The following SEMA6D variants were observed in gnomAD, a reference collection of about 807,000 sequenced individuals.
The protein encoded by SEMA6D is semaphorin-6D.
A neutral mutation model predicts 106.6 loss-of-function variants in SEMA6D; 35 were observed. The observed-to-expected ratio is 0.33, with a 90% CI of 0.25 to 0.44. SEMA6D has a LOEUF of 0.44. Among genes scored for constraint, SEMA6D ranks in the 20% least tolerant of loss-of-function variants. The pLI is 1.00. For synonymous variants in SEMA6D, 499 were observed against 487.7 expected, an observed-to-expected ratio of 1.02 and a Z score of -0.31; for missense variants, 1,185 against 1,345.9, an observed-to-expected ratio of 0.88 and a Z score of 1.87.
chr15:47,524,581 A>G (rs534326050), intron 3 of SEMA6D, among the ~76,000 whole-genome samples: 1 of 152,326 alleles, frequency 6.6e-6, no homozygotes, highest in South Asian at 2.1e-4. Flanking sequence ...GTTTATGCCT[A>G]ATTATAAATG....
At chr15:47,729,367 T>C (rs972388824) in intron 1 of SEMA6D, among the ~76,000 whole-genome samples, 1 of 151,742 alleles carries the variant, frequency 6.6e-6, no homozygotes, top group African/African-American at 2.4e-5. Context: ...ATTAACCAGA[T>C]TTACAGGGAT....
chr15:47,294,566 C>CAA (rs2035730748), intron 1 of SEMA6D, among the ~76,000 whole-genome samples: 2 of 152,098 alleles, frequency 1.3e-5, no homozygotes, highest in African/African-American at 4.8e-5. Context: ...TAAAATGTTA[C>CAA]AAAAAGCGTT....
intron 2 of SEMA6D, among the ~76,000 whole-genome samples, chr15:47,440,667 G>A (rs190526093): frequency 2.6e-5 from 4 of 152,092 alleles, no homozygotes; most frequent in East Asian, 3.9e-4. Flanking sequence ...AAAAAAAGAC[G>A]GGTGTTGAAT....
At chr15:47,261,493 T>C (rs1400342832) in intron 1 of SEMA6D, among the ~76,000 whole-genome samples, 1 of 152,166 alleles carries the variant, frequency 6.6e-6, no homozygotes, top group Non-Finnish European at 1.5e-5. Context: ...TCAGCTCTGT[T>C]TTATTTGATT....
rs1234097635 is a variant in SEMA6D at position 47,544,881 on chromosome 15, GC to G, written c.-86-55983del. On this transcript the variant is annotated intron_variant, in intron 3 of 19. Transcript: ENST00000558014. ...TTTTTAATCTTGAGAGCTTAGATCA[GC>G]AATCTGTTAAACGATATGAATGGCT... Among the ~76,000 whole-genome samples, 8 of 152,168 alleles carry G rather than the reference GC, an allele frequency of 5.3e-5. 1 individual carries two copies. The highest frequency in any genetic ancestry group is 1.9e-4 in the African/African-American group (8 of 41,536).
intron 3 of SEMA6D, among the ~76,000 whole-genome samples, chr15:47,552,891 A>AATATATATATTTTTTTATAT (rs1566883057): frequency 8.5e-5 from 3 of 35,282 alleles, no homozygotes; most frequent in Admixed American, 5.6e-4. Flanking sequence ...AATATATATA[A>AATATATATATTTTTTTATAT]ATATATATAT....
chr15:47,372,437 G>A (rs1160595167), intron 1 of SEMA6D, among the ~76,000 whole-genome samples: 5 of 152,188 alleles, frequency 3.3e-5, no homozygotes, highest in Admixed American at 1.3e-4. Context: ...AGGTAGAACT[G>A]GACCTGATGA....
chr15:47,264,368 G>C (rs1383987373), intron 1 of SEMA6D, among the ~76,000 whole-genome samples: 1 of 151,634 alleles, frequency 6.6e-6, no homozygotes, highest in African/African-American at 2.4e-5. Flanking sequence ...ATTGTGCAAG[G>C]TTTTTGGGGG....
intron 3 of SEMA6D, among the ~76,000 whole-genome samples, chr15:47,563,392 C>G (rs141269946): frequency 1.8e-4 from 28 of 152,280 alleles, no homozygotes; most frequent in African/African-American, 6.7e-4. Context: ...ATAGGCCACT[C>G]TTCTCATCAG....
At chr15:47,283,001 A>G (rs538005681) in intron 1 of SEMA6D, among the ~76,000 whole-genome samples, 11 of 152,080 alleles carry the variant, frequency 7.2e-5, no homozygotes, top group African/African-American at 1.9e-4. Context: ...TTTTTTCACT[A>G]TGATTTCCTG....
intron 1 of SEMA6D, among the ~76,000 whole-genome samples, chr15:47,232,180 A>G (rs988393375): frequency 2.0e-5 from 3 of 152,082 alleles, no homozygotes; most frequent in African/African-American, 7.2e-5. Context: ...AGTATGATCA[A>G]TACTTCAGTC....
At chr15:47,358,823 C>T (rs2038691724) in intron 1 of SEMA6D, among the ~76,000 whole-genome samples, 1 of 152,158 alleles carries the variant, frequency 6.6e-6, no homozygotes, top group South Asian at 2.1e-4. Context: ...CAGGAAGATT[C>T]AACTATTTTA....
chr15:47,568,741 C>T (rs10519130), intron 3 of SEMA6D, among the ~76,000 whole-genome samples: 35,145 of 152,006 alleles, frequency 0.23, 4,997 homozygotes, highest in East Asian at 0.47. Flanking sequence ...CAAACTTACT[C>T]GTACTGTGCC....
At chr15:47,447,683 G>A (rs2042069398) in intron 2 of SEMA6D, among the ~76,000 whole-genome samples, 1 of 152,096 alleles carries the variant, frequency 6.6e-6, no homozygotes, top group Admixed American at 6.6e-5. Context: ...CCTGAGTTCT[G>A]TGAGCCATTT....
chr15:47,264,705 T>C (rs942051759), intron 1 of SEMA6D, among the ~76,000 whole-genome samples: 1 of 152,064 alleles, frequency 6.6e-6, no homozygotes, highest in East Asian at 1.9e-4. Context: ...AAGCATCTAG[T>C]CTTTCACCAT....
chr15:47,488,055 T>G (rs2043349210), intron 3 of SEMA6D, among the ~76,000 whole-genome samples: 1 of 152,188 alleles, frequency 6.6e-6, no homozygotes, highest in Admixed American at 6.5e-5. Flanking sequence ...CTGATATACA[T>G]GCACCTGTTT....
At chr15:47,663,647 G>C (rs954081291) in intron 4 of SEMA6D, among the ~76,000 whole-genome samples, 1 of 152,162 alleles carries the variant, frequency 6.6e-6, no homozygotes, top group Non-Finnish European at 1.5e-5. Flanking sequence ...CAGAATTCTG[G>C]AAACGACACC....
chr15:47,544,125 TCTTA>T (rs2045442866), intron 3 of SEMA6D, among the ~76,000 whole-genome samples: 2 of 152,188 alleles, frequency 1.3e-5, no homozygotes, highest in Non-Finnish European at 2.9e-5. Flanking sequence ...ATGTTTTGAT[TCTTA>T]CTAAGTGGAT....
In SEMA6D at chr15:47,773,266, T is replaced by G. The variant is rs2082708896; in HGVS notation, c.*1481T>G. The G allele has an allele frequency of 2.0e-5, 3 of 152,638 alleles. No individual in the cohort carries two copies. 9.5% of individuals were successfully genotyped at this position (152,638 alleles called of 1,614,324 possible). A position where few individuals can be genotyped will look rare whatever the true frequency, so the allele number is the denominator to read the frequency against. On this transcript the variant is annotated 3_prime_UTR_variant, in exon 19 of 19. Transcript: ENST00000536845. ...CCGACCTCATAGCAGCATTACATTC[T>G]TTGCCGTGATAAACATTCCACTCCT...
Sources: allele counts gnomAD v4.1 joint callset (sites outside exome capture counted in the v4.1 genomes callset), GRCh38; gene constraint gnomAD v4.1.1; transcripts MANE v1.5; gene names NCBI Gene and HGNC (gene_info 2026-07-23, HGNC 2026-07-21).